ADGRB3: variants seen among roughly 807,000 people sequenced by gnomAD.
ADGRB3 encodes the protein brain-specific angiogenesis inhibitor 3.
A neutral mutation model predicts 193.4 loss-of-function variants in ADGRB3; 37 were observed. The ratio of observed to expected loss-of-function variants is 0.19; its 90% CI spans 0.15 to 0.25. ADGRB3 has a LOEUF of 0.25. Ranked by LOEUF, ADGRB3 falls within the 10% of genes least tolerant of loss-of-function variation. The pLI, the probability that ADGRB3 is intolerant of heterozygous loss-of-function variation, is 1.00. For missense variants in ADGRB3, 1,637 were observed against 1,852.9 expected (o/e 0.88, Z 2.14); for synonymous variants, 690 against 644.2 (o/e 1.07, Z -1.08).
At chr6:68,772,684 A>G (rs1766641145) in intron 3 of ADGRB3, among the ~76,000 whole-genome samples, 1 of 151,434 alleles carries the variant, frequency 6.6e-6, no homozygotes, top group African/African-American at 2.4e-5. Flanking sequence ...TACTAATATT[A>G]ATTACAAACA....
At chr6:69,298,829 G>A (rs1368466646) in intron 20 of ADGRB3, among the ~76,000 whole-genome samples, 2 of 152,006 alleles carry the variant, frequency 1.3e-5, no homozygotes, top group Admixed American at 1.3e-4. Flanking sequence ...AGTGAATAGT[G>A]CTGCAATAAA....
intron 17 of ADGRB3, among the ~76,000 whole-genome samples, chr6:69,219,487 A>ATATATATATATATATATATATG (rs1455210313): frequency 2.8e-5 from 4 of 140,522 alleles, no homozygotes; most frequent in Non-Finnish European, 4.7e-5. Context: ...ATATATATAT[A>ATATATATATATATATATATATG]TATATACGTG....
intron 3 of ADGRB3, among the ~76,000 whole-genome samples, chr6:68,731,359 T>C (rs898703824): frequency 5.3e-5 from 8 of 151,582 alleles, no homozygotes; most frequent in African/African-American, 1.9e-4. Flanking sequence ...AAAAAATACA[T>C]TGTAAGTTAA....
At chr6:68,869,903 C>T (rs1765409073) in intron 3 of ADGRB3, among the ~76,000 whole-genome samples, 1 of 152,122 alleles carries the variant, frequency 6.6e-6, no homozygotes, top group African/African-American at 2.4e-5. Context: ...CTCAGCCTCT[C>T]CAGTAGCTGG....
intron 17 of ADGRB3, among the ~76,000 whole-genome samples, chr6:69,173,327 G>A (rs1054689870): frequency 9.9e-5 from 15 of 152,182 alleles, no homozygotes; most frequent in Non-Finnish European, 2.2e-4. Context: ...CGTGAGCCAC[G>A]GTGCCCAGCC....
chr6:68,908,675 A>G (rs1163587209), intron 3 of ADGRB3, among the ~76,000 whole-genome samples: 1 of 152,192 alleles, frequency 6.6e-6, no homozygotes, highest in East Asian at 1.9e-4. Flanking sequence ...ATTTGAACTC[A>G]AAGTGAAGTC....
At chr6:69,178,973 G>A (rs144341541) in intron 17 of ADGRB3, among the ~76,000 whole-genome samples, 96 of 152,162 alleles carry the variant, frequency 6.3e-4, no homozygotes, top group Middle Eastern at 3.4e-3. Context: ...TGGATTTGTC[G>A]TAACTGGATG....
rs369913933 is a variant in ADGRB3, at chr6:69,009,587, A to C, written c.1930-4451A>C. 2.8e-4 allele frequency among the ~76,000 whole-genome samples: 42 copies of C among 152,264 alleles called. 1 individual carries two copies. The highest frequency in any genetic ancestry group is 9.6e-4 in the African/African-American group (40 of 41,562). Reference sequence around the variant, plus strand: ...ATCACATATGGCCTTGCAGCCATCAACTAGTTGATCTCTAGGTTGGGGATC... The same window carrying C: ...ATCACATATGGCCTTGCAGCCATCACCTAGTTGATCTCTAGGTTGGGGATC... On this transcript the variant is annotated intron_variant, in intron 11 of 31. Coordinates refer to ENST00000370598, the MANE Select transcript of ADGRB3 (RefSeq NM_001704.3).
chr6:69,247,200 T>C (rs986484507), intron 20 of ADGRB3, among the ~76,000 whole-genome samples: 3 of 152,152 alleles, frequency 2.0e-5, no homozygotes, highest in African/African-American at 7.2e-5. Context: ...CTGCAAACTG[T>C]ATGATGGGTC....
chr6:69,278,815 A>G (rs1367392083), intron 20 of ADGRB3, among the ~76,000 whole-genome samples: 1 of 151,932 alleles, frequency 6.6e-6, no homozygotes, highest in Non-Finnish European at 1.5e-5. Context: ...ATATTGTCTT[A>G]GAAGGTTATT....
intron 3 of ADGRB3, among the ~76,000 whole-genome samples, chr6:68,796,044 G>T (rs1054065651): frequency 2.0e-5 from 3 of 151,890 alleles, no homozygotes; most frequent in African/African-American, 7.2e-5. Context: ...TCATTGATGT[G>T]AAAGAACAAA....
chr6:68,911,780 G>C (rs1362324568), intron 3 of ADGRB3, among the ~76,000 whole-genome samples: 1 of 150,810 alleles, frequency 6.6e-6, no homozygotes, highest in South Asian at 2.1e-4. Flanking sequence ...TCATTTCTGG[G>C]AAAGTTTGAA....
chr6:68,727,737 C>T (rs1248675863), intron 3 of ADGRB3, among the ~76,000 whole-genome samples: 5 of 151,392 alleles, frequency 3.3e-5, no homozygotes, highest in Admixed American at 3.3e-4. Flanking sequence ...GCTTTATATT[C>T]TATAGGCCTT....
chr6:68,707,204 T>G (rs1359936067), intron 3 of ADGRB3, among the ~76,000 whole-genome samples: 1 of 152,146 alleles, frequency 6.6e-6, no homozygotes, highest in Non-Finnish European at 1.5e-5. Context: ...CATCTTTTCA[T>G]TTTCGTATGG....
chr6:69,205,487 C>A (rs557289060), intron 17 of ADGRB3, among the ~76,000 whole-genome samples: 1 of 151,710 alleles, frequency 6.6e-6, no homozygotes, highest in East Asian at 1.9e-4. Flanking sequence ...GTTTCTTAGT[C>A]AATTTTCTAT....
chr6:69,129,871 G>A (rs935378933), intron 17 of ADGRB3, among the ~76,000 whole-genome samples: 18 of 152,016 alleles, frequency 1.2e-4, no homozygotes, highest in Admixed American at 7.2e-4. Context: ...GTCCTCTCCT[G>A]GAATATCTTT....
intron 11 of ADGRB3, among the ~76,000 whole-genome samples, chr6:69,004,489 G>A (rs1232166383): frequency 6.6e-6 from 1 of 150,956 alleles, no homozygotes; most frequent in Non-Finnish European, 1.5e-5. Context: ...ATGTATACAT[G>A]TGCCATGTTG....
intron 13 of ADGRB3, among the ~76,000 whole-genome samples, chr6:69,038,546 C>A (rs1458474090): frequency 6.6e-6 from 1 of 152,160 alleles, no homozygotes; most frequent in Non-Finnish European, 1.5e-5. Flanking sequence ...AAAATGAATT[C>A]TACCACATTT....
intron 20 of ADGRB3, among the ~76,000 whole-genome samples, chr6:69,253,007 C>T (rs1376013382): frequency 2.6e-5 from 4 of 152,138 alleles, no homozygotes; most frequent in Middle Eastern, 6.8e-3. Flanking sequence ...TTATATTCTA[C>T]ATGGATATCC....
Sources: gnomAD v4.1 joint callset for allele counts (sites outside exome capture counted in the v4.1 genomes callset) on GRCh38, gnomAD v4.1.1 for gene constraint, MANE v1.5 for transcripts, NCBI Gene and HGNC (gene_info 2026-07-23, HGNC 2026-07-21) for gene names.